ZNF813: variants seen among roughly 807,000 people sequenced by gnomAD.
The protein encoded by ZNF813 is zinc finger protein 813.
In ZNF813, 3 loss-of-function variants were observed where a neutral mutation model predicts 7.2. That is an observed-to-expected ratio of 0.42 (90% confidence interval 0.19 to 1.08). The LOEUF (loss-of-function observed/expected upper bound fraction) is 1.08. Ranked by LOEUF, ZNF813 falls within the 50% of genes least tolerant of loss-of-function variation. ZNF813 has a pLI of 0.30. For missense variants in ZNF813, 714 were observed against 753.3 expected (o/e 0.95, Z 0.61); for synonymous variants, 227 against 256.3 (o/e 0.89, Z 1.09).
chr19:53,477,565 C>T lies in ZNF813; in HGVS notation c.-73-6185C>T, dbSNP rs28582512. On this transcript the variant is annotated intron_variant, in intron 1 of 3. Transcript: ENST00000396403. Reference sequence around the variant, plus strand: ...GCACAGTGGCTCACTCCTGTAATCCCACCATTTTTGGAGCCTGGGGCAAGG... The same window carrying T: ...GCACAGTGGCTCACTCCTGTAATCCTACCATTTTTGGAGCCTGGGGCAAGG... 9.9e-3 allele frequency among the ~76,000 whole-genome samples: 1,511 copies of T among 152,164 alleles called. 28 individuals are homozygous for T. Among genetic ancestry groups the T allele is most frequent in the African/African-American group, 0.034 (1,421 of 41,486 alleles).
rs1402549459 is a variant in ZNF813 at position 53,495,105 on chromosome 19, T to C, written c.*3019T>C. On this transcript the variant is annotated 3_prime_UTR_variant, in exon 4 of 4. Coordinates refer to ENST00000396403, the MANE Select transcript of ZNF813 (RefSeq NM_001004301.4). ...CTTTATGAAAAGATTATGGAGATGA[T>C]GCCCAGAAGAAATAAACAGTTTGTA... The C allele has an allele frequency of 2.0e-5, 3 of 152,212 alleles. No individual in the cohort carries two copies. Among genetic ancestry groups the C allele is most frequent in the African/African-American group, 7.2e-5 (3 of 41,440 alleles). 9.4% of individuals were successfully genotyped at this position (152,212 alleles called of 1,614,324 possible).
At chr19:53,480,257 C>G in intron 1 of ZNF813, 1 of 746,784 alleles carries the variant, frequency 1.3e-6, no homozygotes, top group Non-Finnish European at 2.5e-6. Flanking sequence ...CAAACTGTCT[C>G]TGCCTCTTCC....
chr19:53,472,629 T>TTTTTTTTTGGTTGG (rs2086365100), intron 1 of ZNF813, among the ~76,000 whole-genome samples: 1 of 149,646 alleles, frequency 6.7e-6, no homozygotes, highest in African/African-American at 2.5e-5. Flanking sequence ...TTTTTTTTTT[T>TTTTTTTTTGGTTGG]GAGATGGAGT....
intron 1 of ZNF813, among the ~76,000 whole-genome samples, chr19:53,478,764 C>T (rs1423928696): frequency 2.0e-5 from 3 of 151,536 alleles, no homozygotes; most frequent in East Asian, 1.9e-4. Context: ...GGTGGCAGAG[C>T]GAGTCTCCAT....
Position 53,492,199 on chromosome 19 carries a change from T to G in ZNF813, c.*113T>G. On this transcript the variant is annotated 3_prime_UTR_variant, in exon 4 of 4. Transcript: ENST00000396403. ...CCTTGTAATTCATAAGAATTCATAC[T>G]GGAGAGAAACAAGTGTAATGAACGT... 6.8e-7 allele frequency: 1 copy of G among 1,476,366 alleles called. No homozygotes were observed. Among genetic ancestry groups the G allele is most frequent in the South Asian group, 1.3e-5 (1 of 76,478 alleles). 91.5% of individuals were successfully genotyped at this position (1,476,366 alleles called of 1,614,324 possible). A position where few individuals can be genotyped will look rare whatever the true frequency, so the allele number is the denominator to read the frequency against.
intron 1 of ZNF813, among the ~76,000 whole-genome samples, chr19:53,469,852 C>T (rs1267943604): frequency 6.6e-6 from 1 of 151,424 alleles, no homozygotes; most frequent in Non-Finnish European, 1.5e-5. Context: ...AGAGGAGGCG[C>T]AGAGATGGTG....
chr19:53,494,743 C>T lies in ZNF813; in HGVS notation c.*2657C>T, dbSNP rs1289678615. 1 of 152,176 alleles carries T rather than the reference C, an allele frequency of 6.6e-6. No homozygotes were observed. The highest frequency in any genetic ancestry group is 1.5e-5 in the Non-Finnish European group (1 of 68,070). 9.4% of individuals were successfully genotyped at this position (152,176 alleles called of 1,614,324 possible). A position where few individuals can be genotyped will look rare whatever the true frequency, so the allele number is the denominator to read the frequency against. ...AAGGAGCATCAAATTTACAGTGAGA[C>T]CAGATGCAGTGGCTCAGGCCTGTAA... On this transcript the variant is annotated 3_prime_UTR_variant, in exon 4 of 4. Transcript: ENST00000396403.
Position 53,496,033 on chromosome 19 carries a change from T to C in ZNF813, c.*3947T>C. 1 of 346,294 alleles carries C rather than the reference T, an allele frequency of 2.9e-6. No individual in the cohort carries two copies. Among genetic ancestry groups the C allele is most frequent in the Non-Finnish European group, 5.7e-6 (1 of 175,838 alleles). The allele number at this position is 346,294 out of a possible 1,614,324, so 21.5% of individuals were successfully genotyped here. On this transcript the variant is annotated 3_prime_UTR_variant, in exon 4 of 4. Coordinates refer to ENST00000396403, the MANE Select transcript of ZNF813 (RefSeq NM_001004301.4). ...CATTGGAGAAGAACGAAGCGGGGTC[T>C]ATAAGGAATTGCACGTGAGATGGCA...
At chr19:53,470,158 TTTTTC>T (rs1401901195) in intron 1 of ZNF813, among the ~76,000 whole-genome samples, 3 of 103,146 alleles carry the variant, frequency 2.9e-5, no homozygotes, top group African/African-American at 1.3e-4. Flanking sequence ...TCTTTCTTTC[TTTTTC>T]TTTTCTTTTC....
Position 53,492,200 on chromosome 19 carries a change from G to A in ZNF813, c.*114G>A. 6.8e-7 allele frequency: 1 copy of A among 1,474,628 alleles called. No individual in the cohort carries two copies. The highest frequency in any genetic ancestry group is 9.2e-7 in the Non-Finnish European group (1 of 1,092,692). 91.3% of individuals were successfully genotyped at this position (1,474,628 alleles called of 1,614,324 possible). ...CTTGTAATTCATAAGAATTCATACT[G>A]GAGAGAAACAAGTGTAATGAACGTT... On this transcript the variant is annotated 3_prime_UTR_variant, in exon 4 of 4. Transcript: ENST00000396403.
intron 3 of ZNF813, among the ~76,000 whole-genome samples, chr19:53,489,554 A>G (rs1294082655): frequency 1.3e-5 from 2 of 152,020 alleles, no homozygotes; most frequent in African/African-American, 4.8e-5. Flanking sequence ...GTGAGCCAAG[A>G]TTGGGCCATA....
Position 53,491,835 on chromosome 19 carries a change from A to C in ZNF813, c.1603A>C (p.Lys535Gln). The change falls in exon 4 of 4, where the codon AAA becomes CAA. Residue 535 changes from lysine to glutamine, a missense_variant. Physicochemically the swap from Lys to Gln is moderately conservative, Grantham distance 53. Around this residue, in one of 3 missense-constraint regions of ZNF813, gnomAD observed 122 missense variants for 146.8 expected, o/e 0.83. Coordinates refer to ENST00000396403, the MANE Select transcript of ZNF813 (RefSeq NM_001004301.4). ...CNECGKVFNR[K>Q]THLAHHHRLH... is the part of the protein sequence containing the mutation. Reference sequence around the variant, plus strand: ...TGAATGTGGCAAGGTTTTTAATCGAAAAACACACCTTGCACATCATCATAG... The same window carrying C: ...TGAATGTGGCAAGGTTTTTAATCGACAAACACACCTTGCACATCATCATAG... 1.2e-6 allele frequency: 2 copies of C among 1,613,960 alleles called. No individual in the cohort carries two copies. Among genetic ancestry groups the C allele is most frequent in the Non-Finnish European group, 1.7e-6 (2 of 1,179,868 alleles).
At chr19:53,484,657 C>T (rs2086424254) in intron 2 of ZNF813, among the ~76,000 whole-genome samples, 1 of 152,166 alleles carries the variant, frequency 6.6e-6, no homozygotes, top group Admixed American at 6.5e-5. Context: ...CTCCATCTTC[C>T]AGGTTCAAGT....
At chr19:53,476,532 G>C (rs1321344514) in intron 1 of ZNF813, among the ~76,000 whole-genome samples, 2 of 151,666 alleles carry the variant, frequency 1.3e-5, no homozygotes, top group Admixed American at 6.6e-5. Context: ...TGGAGGCTAA[G>C]GCAGGAGAAT....
In ZNF813 at chr19:53,472,557, T is replaced by TTATA. The variant is rs2086364324; in HGVS notation, c.-74+4771_-74+4772insATAT. On this transcript the variant is annotated intron_variant, in intron 1 of 3. Transcript: ENST00000396403. ...TGTGTTATAACATACATAAGGTTGG[T>TTATA]TATTTCCTGGGTCACAAATTGAGTA... Among the ~76,000 whole-genome samples the TTATA allele has an allele frequency of 2.0e-5, 3 of 152,132 alleles. No homozygotes were observed. In the South Asian group the frequency reaches 6.2e-4, roughly 32 times the overall value.
intron 1 of ZNF813, among the ~76,000 whole-genome samples, chr19:53,475,876 A>C (rs558523986): frequency 2.0e-5 from 3 of 152,198 alleles, no homozygotes; most frequent in Non-Finnish European, 2.9e-5. Context: ...CTGGGACCTG[A>C]GTTAAAGCTT....
Position 53,491,157 on chromosome 19 carries a change from A to C in ZNF813, c.925A>C (p.Ser309Arg). ...YKCEECDKAFSFKSNLKRHRR... is the reference protein window; with the variant it reads ...YKCEECDKAFRFKSNLKRHRR... ...ATGTGAAGAATGTGACAAAGCTTTC[A>C]GTTTCAAATCAAACCTTAAAAGACA... The change falls in exon 4 of 4, where the codon AGT (serine) becomes CGT (arginine). Residue 309 changes from serine to arginine, a missense_variant. Ser to Arg is a moderately radical substitution (Grantham distance 110, BLOSUM62 -1). This residue lies in a region of ZNF813 where 563 missense variants were observed against 554.2 expected (regional missense o/e 1.02). Transcript: ENST00000396403. The C allele has an allele frequency of 6.2e-7, 1 of 1,614,110 alleles. No homozygotes were observed. The highest frequency in any genetic ancestry group is 8.5e-7 in the Non-Finnish European group (1 of 1,179,998).
At position 53,491,833 on chromosome 19, in the gene ZNF813, G is replaced by C; in HGVS notation, c.1601G>C (p.Arg534Pro). 1 of 1,607,930 alleles carries C rather than the reference G, an allele frequency of 6.2e-7. No individual in the cohort carries two copies. The highest frequency in any genetic ancestry group is 8.5e-7 in the Non-Finnish European group (1 of 1,178,102). ...KCNECGKVFN[R>P]KTHLAHHHRL... ...AATGAATGTGGCAAGGTTTTTAATC[G>C]AAAAACACACCTTGCACATCATCAT... is the stretch of plus-strand genomic sequence containing the variant. The change falls in exon 4 of 4, where the codon CGA becomes CCA. Residue 534 changes from arginine to proline, a missense_variant. Around this residue, in one of 3 missense-constraint regions of ZNF813, gnomAD observed 122 missense variants for 146.8 expected, o/e 0.83. Coordinates refer to ENST00000396403, the MANE Select transcript of ZNF813 (RefSeq NM_001004301.4).
rs559830034 is a variant in ZNF813, at chr19:53,471,187, C to T, written c.-74+3398C>T. 2.0e-5 allele frequency among the ~76,000 whole-genome samples: 3 copies of T among 152,158 alleles called. No homozygotes were observed. In the East Asian group the frequency reaches 5.8e-4, roughly 29 times the overall value. The stretch of plus-strand genomic sequence containing the variant: ...CTGTTGCAGTGGGAGTGAGAAGAAA[C>T]ATGGTCTAATTGTTTCAAGTACACA... On this transcript the variant is annotated intron_variant, in intron 1 of 3. Transcript: ENST00000396403.
Sources: gnomAD v4.1 joint callset for allele counts (sites outside exome capture counted in the v4.1 genomes callset) on GRCh38, gnomAD v4.1.1 for gene constraint, gnomAD v4.1.1 regional missense constraint, MANE v1.5 for transcripts, NCBI Gene and HGNC (gene_info 2026-07-23, HGNC 2026-07-21) for gene names.